DYNC1LI1: variants seen among roughly 807,000 people sequenced by gnomAD.
The protein encoded by DYNC1LI1 is cytoplasmic dynein 1 light intermediate chain 1.
Under a neutral mutation model 63.8 loss-of-function variants are expected in DYNC1LI1, and 19 were observed. That is an observed-to-expected ratio of 0.30 (90% CI 0.21 to 0.44). The LOEUF (loss-of-function observed/expected upper bound fraction) is 0.44, where lower values mean the gene tolerates loss of function less well. Ranked by LOEUF, DYNC1LI1 falls within the 20% of genes least tolerant of loss-of-function variation. The probability of loss-of-function intolerance (pLI) is 1.00; values close to 1 mark genes in which losing one functional copy is unlikely to be tolerated. For missense variants in DYNC1LI1, 565 were observed against 630.2 expected, an observed-to-expected ratio of 0.90 and a Z score of 1.11; for synonymous variants, 225 against 232.3, an observed-to-expected ratio of 0.97 and a Z score of 0.28.
Position 32,544,817 on chromosome 3 carries a change from TAA to T in DYNC1LI1, c.568+57_568+58del, listed in dbSNP as rs1448271288. 8.8e-6 allele frequency: 11 copies of T among 1,246,588 alleles called. No individual in the cohort carries two copies. In the African/African-American group the frequency reaches 1.6e-4, roughly 19 times the overall value. 77.2% of individuals were successfully genotyped at this position (1,246,588 alleles called of 1,614,324 possible). A position where few individuals can be genotyped will look rare whatever the true frequency, so the allele number is the denominator to read the frequency against. ...TTTATAGTCAAAAATTCCTAATGAT[TAA>T]AGTCAGCCAAGACATTTTGTATTTG... On this transcript the variant is annotated intron_variant, in intron 4 of 12. Coordinates refer to ENST00000273130, the MANE Select transcript of DYNC1LI1 (RefSeq NM_016141.4).
At chr3:32,545,274 G>C (rs1229623219) in intron 3 of DYNC1LI1, among the ~76,000 whole-genome samples, 168 bp from the exon 4 acceptor site, 1 of 152,190 alleles carries the variant, frequency 6.6e-6, no homozygotes, top group African/African-American at 2.4e-5. Flanking sequence ...GGCCGAAAAT[G>C]ACTTAACTGC....
At chr3:32,557,568 G>C (rs574253106) in intron 2 of DYNC1LI1, among the ~76,000 whole-genome samples, 2 of 151,562 alleles carry the variant, frequency 1.3e-5, no homozygotes, top group South Asian at 4.2e-4. Flanking sequence ...TAAATAAATA[G>C]AAGTAAAAAT....
intron 2 of DYNC1LI1, among the ~76,000 whole-genome samples, chr3:32,555,321 T>C (rs1698098218): frequency 6.6e-6 from 1 of 152,252 alleles, no homozygotes; most frequent in African/African-American, 2.4e-5. Flanking sequence ...CAGTCTGACA[T>C]GATGTGTCTT....
chr3:32,567,670 C>T (rs1243322034), intron 2 of DYNC1LI1, among the ~76,000 whole-genome samples: 1 of 150,532 alleles, frequency 6.6e-6, no homozygotes, highest in African/African-American at 2.4e-5. Flanking sequence ...TCCTGAGTAG[C>T]TGAGACTACA....
intron 2 of DYNC1LI1, among the ~76,000 whole-genome samples, chr3:32,554,344 A>G (rs1239111669): frequency 6.6e-6 from 1 of 152,264 alleles, no homozygotes; most frequent in Admixed American, 6.5e-5. Flanking sequence ...GAAAAAGGAA[A>G]GAGCATATGG....
chr3:32,561,029 A>AAAC (rs1559444462), intron 2 of DYNC1LI1, among the ~76,000 whole-genome samples: 6 of 130,022 alleles, frequency 4.6e-5, no homozygotes, highest in Non-Finnish European at 4.8e-5. Context: ...AAAAAAAAAA[A>AAAC]AAAACAAACA....
intron 2 of DYNC1LI1, among the ~76,000 whole-genome samples, chr3:32,567,066 C>T (rs1262268772): frequency 6.6e-6 from 1 of 152,188 alleles, no homozygotes. Flanking sequence ...TTTGGATTTT[C>T]CTTTAAAATA....
intron 2 of DYNC1LI1, among the ~76,000 whole-genome samples, chr3:32,552,399 C>A (rs2125441227): frequency 6.6e-6 from 1 of 152,122 alleles, no homozygotes; most frequent in Middle Eastern, 3.4e-3. Flanking sequence ...CGGCCTCAAG[C>A]ATTCCTTCCA....
At chr3:32,570,283 G>C (rs1698327504) in intron 2 of DYNC1LI1, 63 bp downstream of exon 2, 2 of 1,358,770 alleles carry the variant, frequency 1.5e-6, no homozygotes, top group African/African-American at 2.9e-5. Flanking sequence ...GAGCTAGCCC[G>C]CGGACCAGGT....
At chr3:32,559,272 A>C (rs1337291333) in intron 2 of DYNC1LI1, among the ~76,000 whole-genome samples, 2 of 151,654 alleles carry the variant, frequency 1.3e-5, no homozygotes, top group Non-Finnish European at 2.9e-5. Context: ...AGACAGGGCA[A>C]CTCTGTTGCC....
intron 2 of DYNC1LI1, among the ~76,000 whole-genome samples, chr3:32,563,941 A>G (rs963349315): frequency 2.6e-5 from 4 of 152,248 alleles, no homozygotes; most frequent in African/African-American, 9.6e-5. Flanking sequence ...GCCACACACC[A>G]TATCCCATTA....
At chr3:32,550,363 G>A (rs376058332) in intron 2 of DYNC1LI1, among the ~76,000 whole-genome samples, 1 of 152,176 alleles carries the variant, frequency 6.6e-6, no homozygotes, top group Non-Finnish European at 1.5e-5. Flanking sequence ...CCCGGGAGGC[G>A]GAAGTTGCAG....
At chr3:32,545,804 AC>A in intron 3 of DYNC1LI1, 44 bp downstream of exon 3, 1 of 1,297,940 alleles carries the variant, frequency 7.7e-7, no homozygotes, top group Non-Finnish European at 1.1e-6. Context: ...ATGGCAGTGC[AC>A]CTCAAAATAG....
rs370442079 is a variant in DYNC1LI1, at chr3:32,528,293, AT to A, written c.1462+152del. Among the ~76,000 whole-genome samples, 491 of 152,286 alleles carry A rather than the reference AT, an allele frequency of 3.2e-3. 5 individuals are homozygous for A. Among genetic ancestry groups the A allele is most frequent in the African/African-American group, 0.011 (454 of 41,560 alleles). On this transcript the variant is annotated intron_variant, in intron 12 of 12. Transcript: ENST00000273130. ...AAGGTTCAAGGTTTCTTTTGGGGAGATAAAAATGTTCTAAAATCAGATTATG... is the reference window on the plus strand; with the variant it reads ...AAGGTTCAAGGTTTCTTTTGGGGAGAAAAAATGTTCTAAAATCAGATTATG...
At chr3:32,529,686 T>C in intron 10 of DYNC1LI1, 26 bp from the exon 11 acceptor site, 1 of 1,551,832 alleles carries the variant, frequency 6.4e-7, no homozygotes, top group Non-Finnish European at 8.7e-7. Context: ...AAAATACAAT[T>C]ATAAAAACCT....
In DYNC1LI1 at chr3:32,570,817, C is replaced by T. The variant is rs1228150002; in HGVS notation, c.-47G>A. 1 of 1,557,554 alleles carries T rather than the reference C, an allele frequency of 6.4e-7. No individual in the cohort carries two copies. Among genetic ancestry groups the T allele is most frequent in the Non-Finnish European group, 8.7e-7 (1 of 1,148,364 alleles). On this transcript the variant is annotated 5_prime_UTR_variant, in exon 1 of 13. Transcript: ENST00000273130. Reference sequence around the variant, plus strand: ...TCCCGGCAAGACTAAATGTGCGAGGCGGCTGAGGCGGTGGCGGTGGAGGCG... The same window carrying T: ...TCCCGGCAAGACTAAATGTGCGAGGTGGCTGAGGCGGTGGCGGTGGAGGCG...
At chr3:32,551,089 GT>G (rs1243351556) in intron 2 of DYNC1LI1, among the ~76,000 whole-genome samples, 1 of 151,524 alleles carries the variant, frequency 6.6e-6, no homozygotes, top group African/African-American at 2.4e-5. Flanking sequence ...TATCAAAATT[GT>G]TGTCCTCTAA....
intron 2 of DYNC1LI1, among the ~76,000 whole-genome samples, chr3:32,548,232 C>T (rs991495546): frequency 7.2e-5 from 11 of 152,108 alleles, no homozygotes; most frequent in Admixed American, 3.3e-4. Flanking sequence ...TACCGCTGAG[C>T]TCCACCTCCC....
chr3:32,543,515 C>G (rs1697910555), intron 4 of DYNC1LI1, among the ~76,000 whole-genome samples: 1 of 150,562 alleles, frequency 6.6e-6, no homozygotes, highest in Non-Finnish European at 1.5e-5. Flanking sequence ...TTCCCTGCCT[C>G]AGCCTCCCAA....
Sources: allele counts gnomAD v4.1 joint callset (sites outside exome capture counted in the v4.1 genomes callset), GRCh38; gene constraint gnomAD v4.1.1; transcripts MANE v1.5; gene names NCBI Gene and HGNC (gene_info 2026-07-23, HGNC 2026-07-21).